The following SEPTIN7 variants were observed in gnomAD, a reference collection of about 807,000 sequenced individuals.
SEPTIN7 encodes septin 7.
A neutral mutation model predicts 63.3 loss-of-function variants in SEPTIN7; 10 were observed. That is an observed-to-expected ratio of 0.16 (90% CI 0.10 to 0.27). The LOEUF is 0.27. Among genes scored for constraint, SEPTIN7 ranks in the 10% least tolerant of loss-of-function variants. The probability of loss-of-function intolerance (pLI) is 1.00; values close to 1 mark genes in which losing one functional copy is unlikely to be tolerated. For missense variants in SEPTIN7, 310 were observed against 521.0 expected, an observed-to-expected ratio of 0.59 and a Z score of 3.94; for synonymous variants, 131 against 165.3, an observed-to-expected ratio of 0.79 and a Z score of 1.59.
intron 6 of SEPTIN7, among the ~76,000 whole-genome samples, chr7:35,878,374 G>A (rs1425407427): frequency 1.3e-5 from 2 of 152,172 alleles, no homozygotes; most frequent in Non-Finnish European, 2.9e-5. Context: ...AAGAAATTCA[G>A]AAAGGCTGGC....
intron 1 of SEPTIN7, among the ~76,000 whole-genome samples, chr7:35,829,907 G>C (rs1244879236): frequency 6.6e-6 from 1 of 151,684 alleles, no homozygotes; most frequent in African/African-American, 2.4e-5. Context: ...ATAATCTGTG[G>C]CTGGGCTCGG....
At chr7:35,860,672 C>G (rs1785456933) in intron 3 of SEPTIN7, among the ~76,000 whole-genome samples, 1 of 152,216 alleles carries the variant, frequency 6.6e-6, no homozygotes, top group Non-Finnish European at 1.5e-5. Flanking sequence ...TATCATTGCA[C>G]TGCCTTCAGG....
chr7:35,903,145 C>T lies in SEPTIN7; in HGVS notation c.1204C>T (p.Arg402Cys), dbSNP rs375555966. ...GCACAAAGAATTGGAGGAAAAACGT[C>T]GTCAGTTCGAGGATGAGAAAGCAAA... The part of the protein sequence containing the change: ...AQHKELEEKR[R>C]QFEDEKANWE... The change falls in exon 13 of 14, where the codon CGT (arginine) becomes TGT (cysteine). Residue 402 changes from arginine to cysteine, a missense_variant. This residue lies in a region of SEPTIN7 where 255 missense variants were observed against 490.5 expected (regional missense o/e 0.52). Transcript: ENST00000350320. 19 of 1,600,064 alleles carry T rather than the reference C, an allele frequency of 1.2e-5. No individual in the cohort carries two copies. Among genetic ancestry groups the T allele is most frequent in the Non-Finnish European group, 7.7e-6 (9 of 1,174,350 alleles).
intron 11 of SEPTIN7, among the ~76,000 whole-genome samples, chr7:35,892,260 T>G (rs1583638325): frequency 6.6e-6 from 1 of 152,136 alleles, no homozygotes; most frequent in Non-Finnish European, 1.5e-5. Flanking sequence ...AATAGAAAAA[T>G]GTCCCTTCTT....
intron 4 of SEPTIN7, among the ~76,000 whole-genome samples, chr7:35,872,451 G>C (rs1786208236): frequency 6.6e-6 from 1 of 152,230 alleles, no homozygotes; most frequent in East Asian, 1.9e-4. Flanking sequence ...CCAAGAGATT[G>C]GCAGACTATT....
At chr7:35,807,626 G>A in intron 1 of SEPTIN7, among the ~76,000 whole-genome samples, 1 of 151,786 alleles carries the variant, frequency 6.6e-6, no homozygotes, top group East Asian at 1.9e-4. Flanking sequence ...GCCTCCCAAA[G>A]TGCTGGGATT....
At chr7:35,873,982 T>C in intron 6 of SEPTIN7, 2 of 465,380 alleles carry the variant, frequency 4.3e-6, no homozygotes, top group Non-Finnish European at 7.5e-6. Flanking sequence ...AGTTCTTCAT[T>C]CATAAGGATT....
At chr7:35,872,629 T>C in intron 4 of SEPTIN7, 37 bp from the exon 5 acceptor site, 1 of 1,443,568 alleles carries the variant, frequency 6.9e-7, no homozygotes, top group Non-Finnish European at 9.7e-7. Context: ...ACTGATGTAA[T>C]GTATGATATT....
At chr7:35,871,611 G>C (rs1430302100) in intron 4 of SEPTIN7, among the ~76,000 whole-genome samples, 1 of 152,174 alleles carries the variant, frequency 6.6e-6, no homozygotes, top group Non-Finnish European at 1.5e-5. Context: ...AGCAATCTTA[G>C]TCTCCGCATG....
At chr7:35,897,572 C>G (rs1241869617) in intron 11 of SEPTIN7, among the ~76,000 whole-genome samples, 1 of 151,840 alleles carries the variant, frequency 6.6e-6, no homozygotes, top group Non-Finnish European at 1.5e-5. Context: ...TAATTATTAA[C>G]AAAATATTTG....
intron 10 of SEPTIN7, among the ~76,000 whole-genome samples, chr7:35,889,734 G>T (rs907860315): frequency 6.6e-6 from 1 of 152,072 alleles, no homozygotes; most frequent in African/African-American, 2.4e-5. Context: ...AGTAGAGATG[G>T]GGTTCCACCA....
chr7:35,880,470 A>G (rs1583613911), intron 7 of SEPTIN7, among the ~76,000 whole-genome samples: 1 of 149,622 alleles, frequency 6.7e-6, no homozygotes. Flanking sequence ...TTTTCCTTTT[A>G]TTTTCCCGAA....
intron 11 of SEPTIN7, among the ~76,000 whole-genome samples, chr7:35,893,171 A>G (rs1162800244): frequency 2.0e-5 from 3 of 152,106 alleles, no homozygotes; most frequent in Non-Finnish European, 4.4e-5. Context: ...TGTTTAAATA[A>G]GTGAAGTAGG....
rs922936156 is a variant in SEPTIN7, at chr7:35,844,622, C to T, written c.169+11722C>T. Among the ~76,000 whole-genome samples the T allele has an allele frequency of 9.2e-5, 14 of 151,622 alleles. 1 individual carries two copies. The highest frequency in any genetic ancestry group is 2.6e-4 in the Admixed American group (4 of 15,256). ...TTTACCTAGTCTTTTTTTTTTGAGA[C>T]GGAGTCTCACTCTGTTGCCCAGGCT... On this transcript the variant is annotated intron_variant, in intron 3 of 13. Transcript: ENST00000350320.
chr7:35,893,909 C>T (rs1787801648), intron 11 of SEPTIN7, among the ~76,000 whole-genome samples: 1 of 152,024 alleles, frequency 6.6e-6, no homozygotes, highest in Non-Finnish European at 1.5e-5. Context: ...AGCAGCTATC[C>T]AGTAATTACC....
chr7:35,816,826 A>T (rs773925589), intron 1 of SEPTIN7, among the ~76,000 whole-genome samples: 3 of 152,166 alleles, frequency 2.0e-5, no homozygotes, highest in Non-Finnish European at 4.4e-5. Flanking sequence ...GATGTTGAAC[A>T]TCTTTTCATG....
At position 35,869,518 on chromosome 7, in the gene SEPTIN7, T is replaced by A. The variant is rs138583536; in HGVS notation, c.277-3148T>A. ...TGAGCAAGTGAAGGTAGAGGTAGGCTCTTGACAGAAAATTTTAACCCTCTC... is the reference window on the plus strand; with the variant it reads ...TGAGCAAGTGAAGGTAGAGGTAGGCACTTGACAGAAAATTTTAACCCTCTC... On this transcript the variant is annotated intron_variant, in intron 4 of 13. Coordinates refer to ENST00000350320, the MANE Select transcript of SEPTIN7 (RefSeq NM_001788.6). Among the ~76,000 whole-genome samples the A allele has an allele frequency of 1.8e-4, 28 of 152,364 alleles. No individual in the cohort carries two copies. In the East Asian group the frequency reaches 3.1e-3, roughly 17 times the overall value.
chr7:35,876,639 G>A (rs1302507110), intron 6 of SEPTIN7, among the ~76,000 whole-genome samples: 2 of 152,086 alleles, frequency 1.3e-5, no homozygotes, highest in Non-Finnish European at 2.9e-5. Flanking sequence ...CACAGACTAG[G>A]CAACATAGTG....
chr7:35,874,829 T>C (rs1786378419), intron 6 of SEPTIN7, among the ~76,000 whole-genome samples: 1 of 152,160 alleles, frequency 6.6e-6, no homozygotes, highest in African/African-American at 2.4e-5. Context: ...TCAGTTTACA[T>C]GTTTAAATCA....
Sources: allele counts gnomAD v4.1 joint callset (sites outside exome capture counted in the v4.1 genomes callset), GRCh38; gene constraint gnomAD v4.1.1; regional missense constraint gnomAD v4.1.1; transcripts MANE v1.5; gene names NCBI Gene and HGNC (gene_info 2026-07-23, HGNC 2026-07-21).